The following FGF12 variants were observed in gnomAD, a reference collection of about 807,000 sequenced individuals.
The protein encoded by FGF12 is fibroblast growth factor 12.
FGF12 carries 14 observed loss-of-function variants against 23.6 expected under a neutral mutation model. The observed-to-expected ratio is 0.59, with a 90% CI of 0.39 to 0.93. The LOEUF (loss-of-function observed/expected upper bound fraction) is 0.93, where lower values mean the gene tolerates loss of function less well. Ranked by LOEUF, FGF12 falls within the 40% of genes least tolerant of loss-of-function variation. The pLI, the probability that FGF12 is intolerant of heterozygous loss-of-function variation, is 0.00. For missense variants in FGF12, 175 were observed against 217.8 expected (o/e 0.80, Z 1.24); for synonymous variants, 62 against 77.3 (o/e 0.80, Z 1.04).
At chr3:192,261,538 C>A (rs1712752621) in intron 4 of FGF12, among the ~76,000 whole-genome samples, 1 of 152,174 alleles carries the variant, frequency 6.6e-6, no homozygotes, top group Admixed American at 6.5e-5. Flanking sequence ...TGAATTGGCA[C>A]TATGTTTGTG....
At chr3:192,375,598 T>G (rs1456057053) in intron 2 of FGF12, among the ~76,000 whole-genome samples, 1 of 152,178 alleles carries the variant, frequency 6.6e-6, no homozygotes, top group Non-Finnish European at 1.5e-5. Context: ...GTCATAAGAT[T>G]TTTTTCGTTT....
Position 192,409,060 on chromosome 3 carries a change from C to A in FGF12, c.14-48522G>T. 1 of 635,026 alleles carries A rather than the reference C, an allele frequency of 1.6e-6. No individual in the cohort carries two copies. The highest frequency in any genetic ancestry group is 1.8e-6 in the Non-Finnish European group (1 of 550,492). 39.3% of individuals were successfully genotyped at this position (635,026 alleles called of 1,614,324 possible). ...CCGGCCAGCAGCACTGCAAAGAGAGCGGGAGGCGAGGGAGGGGGGAGGGCG... is the reference window on the plus strand; with the variant it reads ...CCGGCCAGCAGCACTGCAAAGAGAGAGGGAGGCGAGGGAGGGGGGAGGGCG... On this transcript the variant is annotated intron_variant, in intron 2 of 5. Coordinates refer to ENST00000445105, the MANE Select transcript of FGF12 (RefSeq NM_004113.6). This position sits in a 1 kb window ranked among gnomAD's most constrained non-coding sequence, Gnocchi z 4.8.
rs1302503436 is a variant in FGF12 at position 192,596,288 on chromosome 3, C to T, written c.13+130893G>A. 2.6e-5 allele frequency among the ~76,000 whole-genome samples: 4 copies of T among 151,732 alleles called. No individual in the cohort carries two copies. The East Asian group carries it at 5.8e-4, about 22-fold the overall frequency. On this transcript the variant is annotated intron_variant, in intron 2 of 5. Transcript: ENST00000445105. ...AAACGTCAAGACTGTTCAATGACTA[C>T]TTTTTTTGTTTGTCTACATTTTAAC... is the stretch of plus-strand genomic sequence containing the variant.
chr3:192,456,216 T>C (rs998919564), intron 2 of FGF12, among the ~76,000 whole-genome samples: 14 of 152,142 alleles, frequency 9.2e-5, no homozygotes, highest in Non-Finnish European at 2.1e-4. Flanking sequence ...CGAAATGTAT[T>C]GTTATGTTTT....
intron 2 of FGF12, among the ~76,000 whole-genome samples, chr3:192,598,208 T>C (rs769957605): frequency 5.3e-5 from 8 of 152,158 alleles, no homozygotes; most frequent in Non-Finnish European, 1.0e-4. Flanking sequence ...CAACTACAGT[T>C]AGAAAAGCTA....
chr3:192,687,729 C>A (rs1273447100), intron 2 of FGF12, among the ~76,000 whole-genome samples: 1 of 152,062 alleles, frequency 6.6e-6, no homozygotes, highest in East Asian at 1.9e-4. Flanking sequence ...TTCTTGTACC[C>A]AGAACTGGCC....
At chr3:192,660,958 A>G (rs1052547972) in intron 2 of FGF12, among the ~76,000 whole-genome samples, 6 of 149,752 alleles carry the variant, frequency 4.0e-5, no homozygotes, top group African/African-American at 2.5e-5. Flanking sequence ...GTTGTTCTGA[A>G]AGTGCAGAAG....
At chr3:192,727,524 TGGTGCTGCAGGTGTAGTGACA>T (rs1719265704) in exon 1 of FGF12, 1 of 512,176 alleles carries the variant, frequency 2.0e-6, no homozygotes, top group African/African-American at 2.0e-5. Context: ...CCTCCGAGCG[TGGTGCTGCAGGTGTAGTGACA>T]GATCATCCCA....
chr3:192,288,009 A>G (rs1486381756), intron 4 of FGF12, among the ~76,000 whole-genome samples: 1 of 152,056 alleles, frequency 6.6e-6, no homozygotes, highest in Non-Finnish European at 1.5e-5. Flanking sequence ...GTTATTGTTT[A>G]ATAAGGCACT....
At chr3:192,486,644 C>A (rs1723642616) in intron 2 of FGF12, among the ~76,000 whole-genome samples, 1 of 152,042 alleles carries the variant, frequency 6.6e-6, no homozygotes, top group Non-Finnish European at 1.5e-5. Context: ...AAGCAAGACA[C>A]CCTGTTCAGG....
Position 192,352,183 on chromosome 3 carries a change from G to T in FGF12, c.124+8245C>A, listed in dbSNP as rs1414864923. Reference sequence around the variant, plus strand: ...GATGATAGAAAGTTTGAATTTCAGTGTCTACAGACCTCTGCTTTCCCTATT... The same window carrying T: ...GATGATAGAAAGTTTGAATTTCAGTTTCTACAGACCTCTGCTTTCCCTATT... On this transcript the variant is annotated intron_variant, in intron 3 of 5. Transcript: ENST00000445105. Among the ~76,000 whole-genome samples, 555 of 152,214 alleles carry T rather than the reference G, an allele frequency of 3.6e-3. 1 individual carries two copies. The highest frequency in any genetic ancestry group is 0.012 in the African/African-American group (513 of 41,538).
In FGF12 at chr3:192,360,694, G is replaced by C; in HGVS notation, c.14-156C>G. On this transcript the variant is annotated intron_variant, in intron 2 of 5. Coordinates refer to ENST00000445105, the MANE Select transcript of FGF12 (RefSeq NM_004113.6). This position sits in a 1 kb window ranked among gnomAD's most constrained non-coding sequence, Gnocchi z 4.3. The stretch of plus-strand genomic sequence containing the variant: ...TTGGGTGTTTCAGTAACATATCTAT[G>C]CTTTTTTTTTTCCATTTAGAGGTAG... 1.6e-6 allele frequency: 1 copy of C among 610,784 alleles called. No individual in the cohort carries two copies. The allele number at this position is 610,784 out of a possible 1,614,324, so 37.8% of individuals were successfully genotyped here. A position where few individuals can be genotyped will look rare whatever the true frequency, so the allele number is the denominator to read the frequency against.
chr3:192,689,719 A>G (rs923542011), intron 2 of FGF12, among the ~76,000 whole-genome samples: 1 of 152,044 alleles, frequency 6.6e-6, no homozygotes, highest in Admixed American at 6.5e-5. Flanking sequence ...AGAAGAACAG[A>G]GAGAGAAAGG....
At chr3:192,369,723 C>T (rs1281087832) in intron 2 of FGF12, among the ~76,000 whole-genome samples, 4 of 152,190 alleles carry the variant, frequency 2.6e-5, no homozygotes, top group African/African-American at 9.7e-5. Context: ...TGACTTCCAA[C>T]ATGCACTAGG....
chr3:192,496,031 T>G (rs1723945614), intron 2 of FGF12, among the ~76,000 whole-genome samples: 2 of 152,178 alleles, frequency 1.3e-5, no homozygotes, highest in African/African-American at 4.8e-5. Flanking sequence ...TAATCATAAA[T>G]AGAGCTAGAC....
chr3:192,219,078 TA>T (rs1179594665), intron 4 of FGF12, among the ~76,000 whole-genome samples: 1 of 152,172 alleles, frequency 6.6e-6, no homozygotes, highest in Non-Finnish European at 1.5e-5. Context: ...TATCTATTTT[TA>T]TTTTTTTTAA....
At chr3:192,158,387 C>CTTTCT (rs1714614252) in intron 5 of FGF12, among the ~76,000 whole-genome samples, 1 of 71,752 alleles carries the variant, frequency 1.4e-5, no homozygotes, top group African/African-American at 1.0e-4. Context: ...TCTTTCTTTT[C>CTTTCT]TTTCTCTCTC....
chr3:192,367,698 T>G (rs1295709163), intron 2 of FGF12, among the ~76,000 whole-genome samples: 1 of 152,110 alleles, frequency 6.6e-6, no homozygotes, highest in Non-Finnish European at 1.5e-5. Context: ...CTGAGGCCCC[T>G]CATTCACTCA....
intron 4 of FGF12, among the ~76,000 whole-genome samples, chr3:192,221,486 A>G (rs1158208968): frequency 6.6e-6 from 1 of 152,186 alleles, no homozygotes; most frequent in Non-Finnish European, 1.5e-5. Context: ...TGTGATCAGT[A>G]TCTTTATACT....
Sources: gnomAD v4.1 joint callset for allele counts (sites outside exome capture counted in the v4.1 genomes callset) on GRCh38, gnomAD v4.1.1 for gene constraint, Gnocchi (gnomAD v3.1) non-coding constraint, MANE v1.5 for transcripts, NCBI Gene and HGNC (gene_info 2026-07-23, HGNC 2026-07-21) for gene names.